NCKAP1: variants seen among roughly 807,000 people sequenced by gnomAD.
NCKAP1 encodes NCK associated protein 1.
NCKAP1 carries 21 observed loss-of-function variants against 151.2 expected under a neutral mutation model. The ratio of observed to expected loss-of-function variants is 0.14; its 90% CI spans 0.10 to 0.20. The LOEUF is 0.20. NCKAP1 is among the 10% of genes least tolerant of loss of function. The pLI, the probability that NCKAP1 is intolerant of heterozygous loss-of-function variation, is 1.00. For synonymous variants in NCKAP1, 484 were observed against 451.8 expected (o/e 1.07, Z -0.90); for missense variants, 933 against 1,352.1 (o/e 0.69, Z 4.86).
chr2:182,967,359 T>C lies in NCKAP1; in HGVS notation c.1485A>G (p.Ala495=), dbSNP rs1226102562. ...GMRLDWFRLQ[A]YTSVSKASLG... ...GTGAAGCCTTTGAGACACTAGTATATGCCTATAAAGTACAAAAAAAAAAAA... is the reference window on the plus strand; with the variant it reads ...GTGAAGCCTTTGAGACACTAGTATACGCCTATAAAGTACAAAAAAAAAAAA... Residue 495 remains alanine, a splice_region_variant and synonymous_variant, in exon 16 of 31, where the codon GCA becomes GCG. Coordinates refer to ENST00000361354, the MANE Select transcript of NCKAP1 (RefSeq NM_013436.5). 1.9e-6 allele frequency: 3 copies of C among 1,595,686 alleles called. No homozygotes were observed. Among genetic ancestry groups the C allele is most frequent in the Admixed American group, 3.6e-5 (2 of 55,106 alleles).
chr2:182,934,900 T>A (rs1416935380), intron 25 of NCKAP1, 68 bp from the exon 26 acceptor site: 1 of 694,378 alleles, frequency 1.4e-6, no homozygotes, highest in African/African-American at 1.8e-5. Flanking sequence ...TACAAAATAT[T>A]ACCAATTGAT....
At chr2:183,017,110 A>G (rs1380589437) in intron 2 of NCKAP1, among the ~76,000 whole-genome samples, 1 of 152,108 alleles carries the variant, frequency 6.6e-6, no homozygotes, top group East Asian at 1.9e-4. Context: ...TAGCTTGTGG[A>G]GCTGTCCAAA....
At position 182,923,460 on chromosome 2, in the gene NCKAP1, TCAGGG is replaced by T. The variant is rs1471943657; in HGVS notation, c.*2237_*2241del. 1.3e-5 allele frequency: 2 copies of T among 152,102 alleles called. No homozygotes were observed. Among genetic ancestry groups the T allele is most frequent in the East Asian group, 3.9e-4 (2 of 5,174 alleles). The allele number at this position is 152,102 out of a possible 1,614,324, so 9.4% of individuals were successfully genotyped here. A position where few individuals can be genotyped will look rare whatever the true frequency, so the allele number is the denominator to read the frequency against. ...GGTAATTTTTGTATTTTTAGTAGTG[TCAGGG>T]TTTTGCCATGTTGGCCAGGCTGGTG... On this transcript the variant is annotated 3_prime_UTR_variant, in exon 31 of 31. Transcript: ENST00000361354.
chr2:182,995,695 C>A lies in NCKAP1; in HGVS notation c.741+6G>T. ...TTTCATTCAAAAGAGAAAAATAGAACCATACAGTGTCGGACTGTGCTGGAT... is the reference window on the plus strand; with the variant it reads ...TTTCATTCAAAAGAGAAAAATAGAAACATACAGTGTCGGACTGTGCTGGAT... On this transcript the variant is annotated splice_donor_region_variant and intron_variant, in intron 7 of 30. Coordinates refer to ENST00000361354, the MANE Select transcript of NCKAP1 (RefSeq NM_013436.5). 6.2e-7 allele frequency: 1 copy of A among 1,608,966 alleles called. No homozygotes were observed. Among genetic ancestry groups the A allele is most frequent in the Non-Finnish European group, 8.5e-7 (1 of 1,177,696 alleles).
chr2:183,003,433 A>G (rs1243729503), intron 2 of NCKAP1, 108 bp from the exon 3 acceptor site: 3 of 692,936 alleles, frequency 4.3e-6, no homozygotes, highest in African/African-American at 3.7e-5. Flanking sequence ...AGCTTTTAGA[A>G]TATTTCTAGA....
Position 182,995,803 on chromosome 2 carries a change from T to C in NCKAP1, c.639A>G (p.Val213=), listed in dbSNP as rs756975437. 1.5e-5 allele frequency: 24 copies of C among 1,612,204 alleles called. No homozygotes were observed. The highest frequency in any genetic ancestry group is 9.9e-5 in the South Asian group (9 of 91,042). The change falls in exon 7 of 31, where the codon GTA becomes GTG. Residue 213 remains valine, a synonymous_variant. Transcript: ENST00000361354. ...CAGCTGAAAGATTCCTTCGAGGATA[T>C]ACCATTTGAAGAGAAATTAGTGCAT... ...LSDALISLQM[V]YPRRNLSADQ... is the part of the protein sequence containing the mutation.
chr2:182,970,883 TG>T (rs1697672930), intron 15 of NCKAP1, among the ~76,000 whole-genome samples: 2 of 152,000 alleles, frequency 1.3e-5, no homozygotes, highest in African/African-American at 4.8e-5. Context: ...CTATTAAAAC[TG>T]ATCAACCAAT....
intron 23 of NCKAP1, among the ~76,000 whole-genome samples, chr2:182,951,268 T>C (rs1236880301): frequency 1.3e-5 from 2 of 152,194 alleles, no homozygotes; most frequent in African/African-American, 2.4e-5. Flanking sequence ...TAACTTGTTC[T>C]ATATATTTGC....
chr2:182,952,258 G>T (rs1697230273), intron 23 of NCKAP1, 147 bp downstream of exon 23: 1 of 524,674 alleles, frequency 1.9e-6, no homozygotes, highest in South Asian at 3.4e-5. Flanking sequence ...CCATAAAAAG[G>T]CCTTGCTAGC....
chr2:182,939,143 C>T (rs1224469886), intron 24 of NCKAP1, among the ~76,000 whole-genome samples: 18 of 151,990 alleles, frequency 1.2e-4, no homozygotes, highest in Admixed American at 1.0e-3. Context: ...GTCAGTAAAG[C>T]GATGAACCTA....
chr2:182,926,640 C>T (rs537874779), intron 30 of NCKAP1, among the ~76,000 whole-genome samples, 176 bp downstream of exon 30: 2 of 151,966 alleles, frequency 1.3e-5, no homozygotes, highest in South Asian at 2.1e-4. Context: ...CTGATATTAC[C>T]GAAATGATAA....
chr2:183,017,541 G>T (rs1698716277), intron 2 of NCKAP1, among the ~76,000 whole-genome samples: 1 of 152,152 alleles, frequency 6.6e-6, no homozygotes, highest in South Asian at 2.1e-4. Context: ...AGGCAGTAAT[G>T]TGAGTGATGG....
At chr2:183,007,898 A>C (rs1698510582) in intron 2 of NCKAP1, among the ~76,000 whole-genome samples, 1 of 152,042 alleles carries the variant, frequency 6.6e-6, no homozygotes, top group South Asian at 2.1e-4. Flanking sequence ...TTCTCCACAT[A>C]GCAGCAGCAC....
intron 2 of NCKAP1, among the ~76,000 whole-genome samples, chr2:183,019,387 AAAGTTTTAACATACACCTG>A (rs1274973336): frequency 1.4e-4 from 21 of 152,192 alleles, no homozygotes; most frequent in African/African-American, 4.8e-4. Flanking sequence ...AAAAATTAGA[AAAGTTTTAACATACACCTG>A]AACATTTGCT....
intron 2 of NCKAP1, among the ~76,000 whole-genome samples, chr2:183,015,155 T>C (rs1317034833): frequency 6.6e-6 from 1 of 152,172 alleles, no homozygotes; most frequent in East Asian, 1.9e-4. Flanking sequence ...CAAAAATATA[T>C]AGCACATAAG....
Position 182,917,749 on chromosome 2 carries a change from T to C in NCKAP1, c.*7953A>G, listed in dbSNP as rs559221303. On this transcript the variant is annotated 3_prime_UTR_variant, in exon 31 of 31. Transcript: ENST00000361354. ...TTGTTAACATAGAGAGTAAGTACTG[T>C]GTGAGCTTGAGATTTAAAACTAAAA... 1 of 152,320 alleles carries C rather than the reference T, an allele frequency of 6.6e-6. No individual in the cohort carries two copies. The highest frequency in any genetic ancestry group is 6.5e-5 in the Admixed American group (1 of 15,302). 9.4% of individuals were successfully genotyped at this position (152,320 alleles called of 1,614,324 possible). A position where few individuals can be genotyped will look rare whatever the true frequency, so the allele number is the denominator to read the frequency against.
In NCKAP1 at chr2:182,986,428, A is replaced by C. The variant is rs576910348; in HGVS notation, c.948-201T>G. Among the ~76,000 whole-genome samples the C allele has an allele frequency of 2.0e-4, 31 of 152,300 alleles. 1 individual carries two copies. The highest frequency in any genetic ancestry group is 7.2e-4 in the African/African-American group (30 of 41,550). ...TCAAGCCTTCCTAAAAAAAAAAGTA[A>C]CATTATATTAAATCCAACAATAAAA... On this transcript the variant is annotated intron_variant, in intron 9 of 30. Transcript: ENST00000361354.
rs1696420123 is a variant in NCKAP1, at chr2:182,913,063, C to G, written c.*12639G>C. ...TGTTGAATAGTTGTTATTTGTTTTA[C>G]TGTCTGCCTCCTTCATCAGATGATG... On this transcript the variant is annotated 3_prime_UTR_variant, in exon 31 of 31. Transcript: ENST00000361354. The G allele has an allele frequency of 6.6e-6, 1 of 152,178 alleles. No individual in the cohort carries two copies. The highest frequency in any genetic ancestry group is 2.4e-5 in the African/African-American group (1 of 41,442). 9.4% of individuals were successfully genotyped at this position (152,178 alleles called of 1,614,324 possible).
rs1375380891 is a variant in NCKAP1 at position 182,962,776 on chromosome 2, T to A, written c.1762-498A>T. Among the ~76,000 whole-genome samples, 3 of 149,802 alleles carry A rather than the reference T, an allele frequency of 2.0e-5. 1 individual carries two copies. The South Asian group carries it at 6.3e-4, about 31-fold the overall frequency. The stretch of plus-strand genomic sequence containing the variant: ...GAGAAATCAATTTGGTAATAGAAAG[T>A]CCAAGGCATTCAAATCTCTAAAATC... On this transcript the variant is annotated intron_variant, in intron 17 of 30. Transcript: ENST00000361354.
Sources: allele counts gnomAD v4.1 joint callset (sites outside exome capture counted in the v4.1 genomes callset), GRCh38; gene constraint gnomAD v4.1.1; transcripts MANE v1.5; gene names NCBI Gene and HGNC (gene_info 2026-07-23, HGNC 2026-07-21).